CHLSN: variants seen among roughly 807,000 people sequenced by gnomAD.
CHLSN encodes the protein cholesin.
chr7:1,102,996 C>T, the CHLSN span, among the ~76,000 whole-genome samples: 6 of 152,322 alleles, frequency 3.9e-5, no homozygotes, highest in South Asian at 2.1e-4. Flanking sequence ...ACTCTGTTGC[C>T]GTCTAGACCC....
At chr7:1,134,371 C>T in the CHLSN span, among the ~76,000 whole-genome samples, 1 of 150,050 alleles carries the variant, frequency 6.7e-6, no homozygotes, top group Non-Finnish European at 1.5e-5. Flanking sequence ...GTCAGGAGTT[C>T]GAGACTAGGC....
chr7:984,617 G>A, the CHLSN span: 3 of 1,531,512 alleles, frequency 2.0e-6, no homozygotes, highest in African/African-American at 1.4e-5. Context: ...GGGTGTGGGG[G>A]CACCTGGACC....
At chr7:1,101,077 C>T in the CHLSN span, among the ~76,000 whole-genome samples, 2 of 152,244 alleles carry the variant, frequency 1.3e-5, no homozygotes, top group Non-Finnish European at 2.9e-5. Flanking sequence ...GCCACAGGCT[C>T]CCAGTGTCAT....
the CHLSN span, among the ~76,000 whole-genome samples, chr7:1,049,799 T>C: frequency 6.6e-6 from 1 of 152,290 alleles, no homozygotes; most frequent in African/African-American, 2.4e-5. Context: ...CTGTTTTCGG[T>C]CAAATTTTGG....
the CHLSN span, among the ~76,000 whole-genome samples, chr7:1,020,112 G>A: frequency 4.6e-5 from 7 of 152,214 alleles, no homozygotes; most frequent in African/African-American, 1.4e-4. Context: ...GCTGCTCTGC[G>A]GGAACACGGG....
the CHLSN span, among the ~76,000 whole-genome samples, chr7:1,067,097 T>A: frequency 6.9e-6 from 1 of 144,244 alleles, no homozygotes; most frequent in African/African-American, 2.6e-5. Flanking sequence ...TGGGGCACAG[T>A]CTGTTGGCGG....
At chr7:987,955 T>TGGG in the CHLSN span, among the ~76,000 whole-genome samples, 7 of 94,898 alleles carry the variant, frequency 7.4e-5, no homozygotes, top group African/African-American at 5.6e-4. Context: ...CTGTGTGTCC[T>TGGG]GGGGGTCCCC....
chr7:1,092,874 G>T, the CHLSN span: 3 of 1,606,236 alleles, frequency 1.9e-6, no homozygotes, highest in Non-Finnish European at 1.7e-6. Context: ...TGGCCGCATA[G>T]GCCCAGCCAG....
chr7:1,136,087 T>G, the CHLSN span, among the ~76,000 whole-genome samples: 242 of 114,836 alleles, frequency 2.1e-3, no homozygotes, highest in Admixed American at 6.4e-3. Flanking sequence ...TATATAAATT[T>G]ATATAAATGT....
chr7:1,119,659 C>T, the CHLSN span, among the ~76,000 whole-genome samples: 1 of 152,150 alleles, frequency 6.6e-6, no homozygotes, highest in African/African-American at 2.4e-5. Context: ...GGCTGCTCAC[C>T]TGAGGTCAGG....
chr7:1,092,122 T>C, the CHLSN span: 1 of 1,613,824 alleles, frequency 6.2e-7, no homozygotes, highest in South Asian at 1.1e-5. Context: ...CCTGTGCACC[T>C]TCATGTCGCT....
At chr7:1,135,102 A>G in the CHLSN span, among the ~76,000 whole-genome samples, 1 of 152,086 alleles carries the variant, frequency 6.6e-6, no homozygotes, top group Non-Finnish European at 1.5e-5. Context: ...CTTGGCATCC[A>G]GCACAGACAG....
chr7:1,125,269 C>T, the CHLSN span, among the ~76,000 whole-genome samples: 2 of 152,242 alleles, frequency 1.3e-5, 1 homozygote, highest in Admixed American at 1.3e-4. Flanking sequence ...TGCCCACCTC[C>T]TGCTGGAAGC....
chr7:1,018,526 C>T, the CHLSN span, among the ~76,000 whole-genome samples: 71 of 151,798 alleles, frequency 4.7e-4, no homozygotes, highest in African/African-American at 1.5e-3. Flanking sequence ...CTCGGAGGTC[C>T]GCACTTCCTG....
At chr7:1,131,449 C>G in the CHLSN span, among the ~76,000 whole-genome samples, 1 of 152,180 alleles carries the variant, frequency 6.6e-6, no homozygotes, top group Non-Finnish European at 1.5e-5. Context: ...CACAAGGGTT[C>G]CCCCCATCCC....
chr7:1,004,577 G>A, the CHLSN span, among the ~76,000 whole-genome samples: 5 of 152,148 alleles, frequency 3.3e-5, no homozygotes, highest in Admixed American at 3.3e-4. Context: ...CCTCACCACC[G>A]AAGATGAGCC....
At chr7:1,052,210 A>G in the CHLSN span, among the ~76,000 whole-genome samples, 2 of 152,152 alleles carry the variant, frequency 1.3e-5, no homozygotes, top group East Asian at 3.9e-4. This position sits in a 1 kb window ranked among gnomAD's most constrained non-coding sequence, Gnocchi z 4.2. Flanking sequence ...CTCCAGGCTG[A>G]GTGGGTGAGG....
the CHLSN span, among the ~76,000 whole-genome samples, chr7:1,065,508 C>T: frequency 2.4e-4 from 36 of 152,364 alleles, no homozygotes; most frequent in African/African-American, 8.7e-4. Flanking sequence ...GGGACAGGCG[C>T]GGCAACAGGG....
At chr7:1,023,668 CACA>C in the CHLSN span, among the ~76,000 whole-genome samples, 2 of 99,504 alleles carry the variant, frequency 2.0e-5, no homozygotes, top group African/African-American at 6.5e-5. The surrounding 1 kb of genome is among the most constrained non-coding windows in gnomAD (Gnocchi z 5.0). Context: ...CACACACACA[CACA>C]CACACACCAG....
Sources: allele counts gnomAD v4.1 joint callset (sites outside exome capture counted in the v4.1 genomes callset), GRCh38; gene constraint gnomAD v4.1.1; non-coding constraint Gnocchi (gnomAD v3.1); transcripts MANE v1.5; gene names NCBI Gene and HGNC (gene_info 2026-07-23, HGNC 2026-07-21).